Variants in ASTN2 observed in about 807,000 individuals in gnomAD.
ASTN2 encodes the protein astrotactin 2.
In ASTN2, 54 loss-of-function variants were observed where a neutral mutation model predicts 139.8. The ratio of observed to expected loss-of-function variants is 0.39; its 90% CI spans 0.31 to 0.48. The LOEUF (loss-of-function observed/expected upper bound fraction) is 0.48, where lower values mean the gene tolerates loss of function less well. ASTN2 is among the 20% of genes least tolerant of loss of function. The pLI is 0.95. For synonymous variants in ASTN2, 756 were observed against 719.5 expected, an observed-to-expected ratio of 1.05 and a Z score of -0.81; for missense variants, 1,565 against 1,725.1, an observed-to-expected ratio of 0.91 and a Z score of 1.64.
intron 5 of ASTN2, among the ~76,000 whole-genome samples, chr9:117,093,586 T>G (rs1397041513): frequency 6.6e-6 from 1 of 152,090 alleles, no homozygotes; most frequent in Non-Finnish European, 1.5e-5. Context: ...TCCCATTAAG[T>G]CAGTGAATGC....
chr9:117,227,353 A>ATTC (rs1832748410), intron 2 of ASTN2, among the ~76,000 whole-genome samples: 1 of 152,232 alleles, frequency 6.6e-6, no homozygotes, highest in South Asian at 2.1e-4. Context: ...TGGAGCTTCC[A>ATTC]TAATGTAGGG....
chr9:116,530,768 TC>T, intron 19 of ASTN2, among the ~76,000 whole-genome samples: 1 of 152,284 alleles, frequency 6.6e-6, no homozygotes, highest in Middle Eastern at 3.4e-3. Flanking sequence ...CTCCTGATAT[TC>T]CTTTTTATAA....
intron 10 of ASTN2, among the ~76,000 whole-genome samples, chr9:116,933,244 C>T (rs570051237): frequency 1.3e-4 from 20 of 152,194 alleles, no homozygotes; most frequent in African/African-American, 4.3e-4. Flanking sequence ...TAAAACAAAT[C>T]GAGCACCCCT....
intron 2 of ASTN2, among the ~76,000 whole-genome samples, chr9:117,271,650 G>A (rs1357471291): frequency 2.0e-5 from 3 of 152,150 alleles, no homozygotes; most frequent in African/African-American, 4.8e-5. Flanking sequence ...TACAGATATC[G>A]GGTAAACACG....
chr9:116,753,682 A>G (rs1829459867), intron 13 of ASTN2, among the ~76,000 whole-genome samples: 1 of 152,216 alleles, frequency 6.6e-6, no homozygotes, highest in South Asian at 2.1e-4. Flanking sequence ...AATAAAATCT[A>G]TTAACTTAAT....
At chr9:117,406,892 AC>A (rs1564188615) in intron 1 of ASTN2, among the ~76,000 whole-genome samples, 3 of 141,966 alleles carry the variant, frequency 2.1e-5, no homozygotes, top group East Asian at 3.9e-4. Flanking sequence ...ACACACACAC[AC>A]ACACACAACA....
intron 1 of ASTN2, among the ~76,000 whole-genome samples, chr9:117,324,610 C>T (rs984733947): frequency 6.6e-6 from 1 of 152,124 alleles, no homozygotes. Context: ...ATGGGGATTA[C>T]AATTCAAGAT....
chr9:117,348,014 T>C (rs905149188), intron 1 of ASTN2, among the ~76,000 whole-genome samples: 2 of 152,198 alleles, frequency 1.3e-5, no homozygotes, highest in Non-Finnish European at 2.9e-5. Flanking sequence ...ATAAGAAGAT[T>C]ACACTTAACT....
At chr9:116,851,522 C>CTAGT (rs1322014365) in intron 11 of ASTN2, among the ~76,000 whole-genome samples, 15 of 144,502 alleles carry the variant, frequency 1.0e-4, no homozygotes, top group Non-Finnish European at 2.0e-4. Flanking sequence ...ATCTAGTTAT[C>CTAGT]TATCTATCTT....
At chr9:117,411,052 G>T (rs899647247) in intron 1 of ASTN2, among the ~76,000 whole-genome samples, 1 of 152,128 alleles carries the variant, frequency 6.6e-6, no homozygotes, top group African/African-American at 2.4e-5. Flanking sequence ...CTACAAGAAT[G>T]TAGGTGTCTG....
chr9:116,965,521 T>C (rs1012580216), intron 10 of ASTN2, among the ~76,000 whole-genome samples: 6 of 152,100 alleles, frequency 3.9e-5, no homozygotes, highest in African/African-American at 1.4e-4. Context: ...CATGACAAGA[T>C]GGGGAGTACA....
chr9:117,056,450 A>G (rs1417723657), intron 5 of ASTN2, among the ~76,000 whole-genome samples: 2 of 152,206 alleles, frequency 1.3e-5, no homozygotes, highest in Non-Finnish European at 2.9e-5. Flanking sequence ...AACTTGCAAA[A>G]GAGCCAGGCA....
chr9:116,739,033 C>CAT (rs57933542), intron 13 of ASTN2, among the ~76,000 whole-genome samples: 3 of 143,950 alleles, frequency 2.1e-5, no homozygotes, highest in Admixed American at 1.4e-4. Flanking sequence ...CACACACACA[C>CAT]AAACACACAG....
chr9:117,408,977 ACCTC>A (rs1160305852), intron 1 of ASTN2, among the ~76,000 whole-genome samples: 1 of 151,786 alleles, frequency 6.6e-6, no homozygotes, highest in Non-Finnish European at 1.5e-5. Flanking sequence ...ACTAAACACC[ACCTC>A]CCCCAAGACC....
intron 3 of ASTN2, among the ~76,000 whole-genome samples, chr9:117,164,349 G>C (rs997516890): frequency 3.3e-5 from 5 of 152,054 alleles, no homozygotes; most frequent in Admixed American, 3.3e-4. Context: ...CTGTATAGCT[G>C]ATTGTTTTTA....
chr9:116,454,206 C>A (rs1848257735), intron 20 of ASTN2, among the ~76,000 whole-genome samples: 1 of 152,092 alleles, frequency 6.6e-6, no homozygotes, highest in African/African-American at 2.4e-5. Flanking sequence ...AATCCAATAT[C>A]CCTTATATAG....
At chr9:116,720,769 C>T (rs1328584782) in intron 16 of ASTN2, among the ~76,000 whole-genome samples, 1 of 152,158 alleles carries the variant, frequency 6.6e-6, no homozygotes, top group East Asian at 1.9e-4. Context: ...TATCACTATC[C>T]TCCCTAAGTA....
intron 10 of ASTN2, among the ~76,000 whole-genome samples, chr9:116,909,816 A>T (rs1459830733): frequency 6.6e-6 from 1 of 152,190 alleles, no homozygotes; most frequent in East Asian, 1.9e-4. Flanking sequence ...GTGACCAGCT[A>T]TTTTATATGA....
intron 6 of ASTN2, among the ~76,000 whole-genome samples, chr9:117,016,752 TTATATATAGGTTA>T (rs1379114750): frequency 6.2e-5 from 5 of 80,534 alleles, no homozygotes; most frequent in Non-Finnish European, 8.8e-5. Context: ...TATATAGGTT[TTATATATAGGTTA>T]TATATAGGTT....
Sources: allele counts gnomAD v4.1 joint callset (sites outside exome capture counted in the v4.1 genomes callset), GRCh38; gene constraint gnomAD v4.1.1; transcripts MANE v1.5; gene names NCBI Gene and HGNC (gene_info 2026-07-23, HGNC 2026-07-21).